Variants in FLT3 observed in about 807,000 individuals in gnomAD.
FLT3 encodes receptor-type tyrosine-protein kinase FLT3.
FLT3 carries 46 observed loss-of-function variants against 126.6 expected under a neutral mutation model. The observed-to-expected ratio is 0.36, with a 90% CI of 0.29 to 0.46. The LOEUF (loss-of-function observed/expected upper bound fraction) is 0.46. FLT3 is among the 20% of genes least tolerant of loss of function. The pLI is 1.00. For missense variants in FLT3, 1,069 were observed against 1,190.3 expected, an observed-to-expected ratio of 0.90 and a Z score of 1.50; for synonymous variants, 404 against 434.4, an observed-to-expected ratio of 0.93 and a Z score of 0.87.
At chr13:28,010,737 T>A (rs1350067859) in intron 23 of FLT3, among the ~76,000 whole-genome samples, 4 of 151,186 alleles carry the variant, frequency 2.6e-5, no homozygotes, top group Non-Finnish European at 6.0e-5. Context: ...CCGGGCATGG[T>A]GGCTCATGCC....
intron 1 of FLT3, among the ~76,000 whole-genome samples, chr13:28,089,406 T>C (rs763663303): frequency 1.5e-4 from 23 of 152,122 alleles, no homozygotes; most frequent in Non-Finnish European, 2.5e-4. Flanking sequence ...AAACCTGTAT[T>C]CAAATATTTA....
chr13:28,058,207 T>TAAAAAAAAA (rs57780867), intron 3 of FLT3, among the ~76,000 whole-genome samples: 2 of 127,696 alleles, frequency 1.6e-5, no homozygotes, highest in Non-Finnish European at 3.2e-5. Context: ...TTTTAAAAAT[T>TAAAAAAAAA]AAAAAAAAAA....
chr13:28,062,244 C>A (rs940661782), intron 2 of FLT3, among the ~76,000 whole-genome samples, 175 bp from the exon 3 acceptor site: 1 of 152,178 alleles, frequency 6.6e-6, no homozygotes, highest in Admixed American at 6.5e-5. Context: ...AATTATAATT[C>A]TCTAAAGAAA....
intron 1 of FLT3, among the ~76,000 whole-genome samples, chr13:28,086,912 G>T (rs1036659218): frequency 6.6e-6 from 1 of 152,000 alleles, no homozygotes; most frequent in Non-Finnish European, 1.5e-5. Flanking sequence ...CTCCCAAAGT[G>T]CTAGGATTGC....
At chr13:28,008,906 A>T (rs1444926096) in intron 23 of FLT3, among the ~76,000 whole-genome samples, 1 of 151,964 alleles carries the variant, frequency 6.6e-6, no homozygotes, top group Non-Finnish European at 1.5e-5. Flanking sequence ...TTATTCTGAG[A>T]TTCTCTTTCC....
At chr13:28,005,624 C>T (rs959008887) in intron 23 of FLT3, among the ~76,000 whole-genome samples, 2 of 152,010 alleles carry the variant, frequency 1.3e-5, no homozygotes, top group African/African-American at 2.4e-5. Context: ...CTGAAAAGTG[C>T]ACACTCAATC....
In FLT3 at chr13:28,100,392, C is replaced by G. The variant is rs1031423136; in HGVS notation, c.43+76G>C. ...AGCGAGGCGGCTGGGCCGGAGGAGG[C>G]GCGCGCCCGGGTCCACACTGCGGGG... On this transcript the variant is annotated intron_variant, in intron 1 of 23. Transcript: ENST00000241453. The surrounding 1 kb of genome is among the most constrained non-coding windows in gnomAD (Gnocchi z 4.8). 2 of 1,057,574 alleles carry G rather than the reference C, an allele frequency of 1.9e-6. No individual in the cohort carries two copies. Among genetic ancestry groups the G allele is most frequent in the Non-Finnish European group, 2.4e-6 (2 of 833,996 alleles). 65.5% of individuals were successfully genotyped at this position (1,057,574 alleles called of 1,614,324 possible). A position where few individuals can be genotyped will look rare whatever the true frequency, so the allele number is the denominator to read the frequency against.
chr13:28,074,701 C>T (rs1370524540), intron 1 of FLT3, among the ~76,000 whole-genome samples: 3 of 152,194 alleles, frequency 2.0e-5, no homozygotes, highest in South Asian at 4.1e-4. Context: ...AGTATAGTGG[C>T]GTGATCACAG....
intron 1 of FLT3, among the ~76,000 whole-genome samples, chr13:28,098,958 G>T (rs1258875935): frequency 6.6e-6 from 1 of 152,156 alleles, no homozygotes; most frequent in African/African-American, 2.4e-5. Context: ...TGGGGAGGGG[G>T]TACTGACAGA....
chr13:28,019,556 T>C (rs1426776500), intron 19 of FLT3, among the ~76,000 whole-genome samples: 1 of 152,176 alleles, frequency 6.6e-6, no homozygotes, highest in African/African-American at 2.4e-5. Flanking sequence ...CTGGCAGCCC[T>C]GTGCCACAGC....
At chr13:28,008,003 C>T (rs180755246) in intron 23 of FLT3, among the ~76,000 whole-genome samples, 1 of 152,058 alleles carries the variant, frequency 6.6e-6, no homozygotes, top group Admixed American at 6.6e-5. Flanking sequence ...TCTCTCTCTC[C>T]ACCTTCTTCT....
chr13:28,043,194 T>G (rs1593252636), intron 9 of FLT3, among the ~76,000 whole-genome samples: 1 of 151,684 alleles, frequency 6.6e-6, no homozygotes, highest in South Asian at 2.1e-4. Flanking sequence ...CTATTCCTTT[T>G]TTTTTTTCCC....
chr13:28,049,045 T>C (rs992367561), intron 8 of FLT3, among the ~76,000 whole-genome samples: 4 of 152,162 alleles, frequency 2.6e-5, no homozygotes, highest in African/African-American at 9.7e-5. Context: ...TATTGTCCAT[T>C]TTGTGTCAGG....
intron 2 of FLT3, chr13:28,068,382 C>T (rs148425108): frequency 1.3e-5 from 2 of 152,244 alleles, no homozygotes; most frequent in African/African-American, 2.4e-5. Flanking sequence ...AAACGCGATT[C>T]CCAGCCAGGT....
In FLT3 at chr13:28,032,564, C is replaced by G. The variant is rs547253049; in HGVS notation, c.1942+1323G>C. ...AGTGGAGGTTGCAGTGAGCTGAGAT[C>G]ACACCACTGCACTCCAGCCTGGGCA... is the stretch of plus-strand genomic sequence containing the variant. On this transcript the variant is annotated intron_variant, in intron 15 of 23. Coordinates refer to ENST00000241453, the MANE Select transcript of FLT3 (RefSeq NM_004119.3). Among the ~76,000 whole-genome samples the G allele has an allele frequency of 4.6e-5, 7 of 152,244 alleles. No individual in the cohort carries two copies. The South Asian group carries it at 1.5e-3, about 32-fold the overall frequency.
chr13:28,055,539 C>T (rs1045250497), intron 4 of FLT3, among the ~76,000 whole-genome samples: 2 of 152,236 alleles, frequency 1.3e-5, no homozygotes, highest in African/African-American at 4.8e-5. Flanking sequence ...GTGGTTAATA[C>T]TGAGCTTGTG....
intron 4 of FLT3, among the ~76,000 whole-genome samples, chr13:28,054,050 T>C (rs1260597816): frequency 6.6e-6 from 1 of 152,154 alleles, no homozygotes; most frequent in Non-Finnish European, 1.5e-5. Context: ...GCTCTGAACA[T>C]TCTACACATT....
chr13:28,035,769 TA>T, intron 11 of FLT3, 96 bp from the exon 12 acceptor site: 1 of 1,345,072 alleles, frequency 7.4e-7, no homozygotes, highest in South Asian at 1.4e-5. Context: ...ATTCATCCAG[TA>T]TAAGTTATCA....
intron 21 of FLT3, 44 bp downstream of exon 21, chr13:28,015,546 T>A: frequency 8.8e-7 from 1 of 1,138,806 alleles, no homozygotes. Context: ...GAGCAGAGGA[T>A]GCAAAGCCAG....
Sources: allele counts gnomAD v4.1 joint callset (sites outside exome capture counted in the v4.1 genomes callset), GRCh38; gene constraint gnomAD v4.1.1; non-coding constraint Gnocchi (gnomAD v3.1); transcripts MANE v1.5; gene names NCBI Gene and HGNC (gene_info 2026-07-23, HGNC 2026-07-21).